Variants in PREX1 observed in about 807,000 individuals in gnomAD.
PREX1 encodes phosphatidylinositol 3,4,5-trisphosphate-dependent Rac exchanger 1 protein.
A neutral mutation model predicts 198.3 loss-of-function variants in PREX1; 41 were observed. The observed-to-expected ratio is 0.21, with a 90% confidence interval of 0.16 to 0.27. PREX1 has a LOEUF of 0.27. PREX1 is among the 10% of genes least tolerant of loss of function. The probability of loss-of-function intolerance (pLI) is 1.00; values close to 1 mark genes in which losing one functional copy is unlikely to be tolerated. For synonymous variants in PREX1, 843 were observed against 887.2 expected (o/e 0.95, Z 0.89); for missense variants, 1,620 against 2,200.7 (o/e 0.74, Z 5.28).
chr20:48,670,699 T>G (rs761100752), intron 14 of PREX1, among the ~76,000 whole-genome samples: 10 of 152,232 alleles, frequency 6.6e-5, no homozygotes, highest in Non-Finnish European at 1.3e-4. Context: ...CATTCTCAGA[T>G]TTGCCCTTGA....
chr20:48,664,937 C>G (rs181088850), intron 15 of PREX1, among the ~76,000 whole-genome samples: 3 of 146,324 alleles, frequency 2.1e-5, no homozygotes, highest in African/African-American at 5.1e-5. Flanking sequence ...CGACTCCAGA[C>G]GGCCTGAATT....
chr20:48,635,096 A>G (rs1255372919), intron 32 of PREX1, among the ~76,000 whole-genome samples: 2 of 152,106 alleles, frequency 1.3e-5, no homozygotes, highest in Non-Finnish European at 2.9e-5. Context: ...AAAAGTCCCC[A>G]ATTCCTTCCT....
At chr20:48,670,014 G>C (rs1568815446) in intron 14 of PREX1, among the ~76,000 whole-genome samples, 1 of 152,146 alleles carries the variant, frequency 6.6e-6, no homozygotes, top group African/African-American at 2.4e-5. Context: ...CAGACTGTAT[G>C]GTTGACCTGG....
chr20:48,832,721 GC>G (rs1337348405), upstream of PREX1, among the ~76,000 whole-genome samples: 1 of 152,212 alleles, frequency 6.6e-6, no homozygotes, highest in East Asian at 1.9e-4. Flanking sequence ...ACCCCCAGCT[GC>G]CCAAGTCAAA....
intron 26 of PREX1, among the ~76,000 whole-genome samples, chr20:48,644,705 C>A (rs531771509): frequency 2.0e-5 from 3 of 152,234 alleles, no homozygotes; most frequent in Admixed American, 2.0e-4. Flanking sequence ...GGCTGGGAAA[C>A]GTTTCTAGGC....
chr20:48,818,167 C>A (rs1006915206), intron 1 of PREX1, among the ~76,000 whole-genome samples: 12 of 152,240 alleles, frequency 7.9e-5, no homozygotes, highest in Admixed American at 1.3e-4. Flanking sequence ...GTGCTTGGTG[C>A]ATTTGAGAAA....
chr20:48,673,251 T>C (rs2089688100), intron 14 of PREX1, among the ~76,000 whole-genome samples: 1 of 152,196 alleles, frequency 6.6e-6, no homozygotes, highest in Non-Finnish European at 1.5e-5. Context: ...TCCCCATACA[T>C]TCTTGCCCAT....
chr20:48,722,618 A>C (rs2089991217), intron 5 of PREX1, among the ~76,000 whole-genome samples: 2 of 152,218 alleles, frequency 1.3e-5, no homozygotes, highest in South Asian at 2.1e-4. Flanking sequence ...TAGATGGGTA[A>C]ACAAACGGCC....
chr20:48,651,261 G>A, intron 22 of PREX1, 135 bp downstream of exon 22: 1 of 1,367,896 alleles, frequency 7.3e-7, no homozygotes, highest in South Asian at 1.5e-5. Context: ...ACAAGGACCA[G>A]AATTCAGGAC....
At chr20:48,820,834 A>G (rs2090481307) in intron 1 of PREX1, among the ~76,000 whole-genome samples, 1 of 152,216 alleles carries the variant, frequency 6.6e-6, no homozygotes, top group Non-Finnish European at 1.5e-5. Context: ...GACAGTGCTG[A>G]AGGCTGAGAG....
chr20:48,717,028 A>G (rs182535659), intron 5 of PREX1, among the ~76,000 whole-genome samples: 1 of 152,358 alleles, frequency 6.6e-6, no homozygotes, highest in East Asian at 1.9e-4. Flanking sequence ...TTTTAAAAGT[A>G]AGTTTAATTA....
rs182991175 is a variant in PREX1 at position 48,726,468 on chromosome 20, C to T, written c.520-77G>A. On this transcript the variant is annotated intron_variant, in intron 4 of 39. Coordinates refer to ENST00000371941, the MANE Select transcript of PREX1 (RefSeq NM_020820.4). ...CATAGCCACCCTCAACCATGAGAAA[C>T]GCTCTCAGAGCACAGCTACAATCAC... 2.6e-4 allele frequency: 268 copies of T among 1,034,554 alleles called. No homozygotes were observed. The African/African-American group carries it at 3.8e-3, about 15-fold the overall frequency. 64.1% of individuals were successfully genotyped at this position (1,034,554 alleles called of 1,614,324 possible). A position where few individuals can be genotyped will look rare whatever the true frequency, so the allele number is the denominator to read the frequency against.
the PREX1 span, among the ~76,000 whole-genome samples, chr20:48,882,931 C>CCTT: frequency 8.1e-6 from 1 of 123,704 alleles, no homozygotes; most frequent in Non-Finnish European, 1.7e-5. Context: ...TTGGGTTGTC[C>CCTT]TTTTTTTTTT....
At chr20:48,796,621 T>C (rs1310106282) in intron 1 of PREX1, among the ~76,000 whole-genome samples, 3 of 151,372 alleles carry the variant, frequency 2.0e-5, no homozygotes, top group Non-Finnish European at 2.9e-5. Context: ...TATATATTTA[T>C]ATGTGTACAT....
At chr20:48,739,203 C>T (rs1308964215) in intron 3 of PREX1, among the ~76,000 whole-genome samples, 1 of 152,188 alleles carries the variant, frequency 6.6e-6, no homozygotes. Context: ...AGCTTGCTCC[C>T]AGCTCAGGGC....
chr20:48,850,280 G>A, the PREX1 span, among the ~76,000 whole-genome samples: 4 of 152,190 alleles, frequency 2.6e-5, no homozygotes, highest in Admixed American at 6.5e-5. Context: ...CGGGGCAAGC[G>A]GAGGGCCGAG....
At chr20:48,884,449 A>G in the PREX1 span, among the ~76,000 whole-genome samples, 1 of 152,228 alleles carries the variant, frequency 6.6e-6, no homozygotes, top group African/African-American at 2.4e-5. Context: ...AATCTTTTCA[A>G]TAAGTGGTCA....
At chr20:48,649,270 T>C (rs1403277450) in intron 25 of PREX1, 30 bp downstream of exon 25, 1 of 1,599,750 alleles carries the variant, frequency 6.3e-7, no homozygotes. Flanking sequence ...CTGCCCCTGC[T>C]CACGCCGGAC....
At chr20:48,661,952 G>A (rs950267101) in intron 15 of PREX1, among the ~76,000 whole-genome samples, 3 of 152,200 alleles carry the variant, frequency 2.0e-5, no homozygotes, top group Non-Finnish European at 2.9e-5. Flanking sequence ...GCTGTCGGAC[G>A]CCAGTGGGTG....
Sources: allele counts gnomAD v4.1 joint callset (sites outside exome capture counted in the v4.1 genomes callset), GRCh38; gene constraint gnomAD v4.1.1; transcripts MANE v1.5; gene names NCBI Gene and HGNC (gene_info 2026-07-23, HGNC 2026-07-21).